Variants in BUB1 observed in about 807,000 individuals in gnomAD.
The protein encoded by BUB1 is BUB1 mitotic checkpoint serine/threonine kinase.
In BUB1, 84 loss-of-function variants were observed where a neutral mutation model predicts 135.2. The ratio of observed to expected loss-of-function variants is 0.62; its 90% CI spans 0.52 to 0.74. The LOEUF (loss-of-function observed/expected upper bound fraction) is 0.74. Among genes scored for constraint, BUB1 ranks in the 30% least tolerant of loss-of-function variants. The probability of loss-of-function intolerance (pLI) is 0.00; values close to 1 mark genes in which losing one functional copy is unlikely to be tolerated. For missense variants in BUB1, 1,162 were observed against 1,288.3 expected (o/e 0.90, Z 1.50); for synonymous variants, 403 against 434.4 (o/e 0.93, Z 0.90).
intron 4 of BUB1, among the ~76,000 whole-genome samples, chr2:110,671,758 G>C (rs892348732): frequency 6.6e-6 from 1 of 152,242 alleles, no homozygotes; most frequent in Non-Finnish European, 1.5e-5. Flanking sequence ...TTGACGCAAA[G>C]CTGTATATGT....
chr2:110,655,296 G>A (rs1689897524), intron 16 of BUB1, among the ~76,000 whole-genome samples: 1 of 152,126 alleles, frequency 6.6e-6, no homozygotes, highest in Non-Finnish European at 1.5e-5. Flanking sequence ...ACATATATGT[G>A]TGTAGACACA....
At chr2:110,656,338 T>G (rs1689932516) in intron 15 of BUB1, among the ~76,000 whole-genome samples, 1 of 152,180 alleles carries the variant, frequency 6.6e-6, no homozygotes, top group Non-Finnish European at 1.5e-5. Context: ...ATGTGCCTCC[T>G]CTGTTCAGGG....
chr2:110,649,526 A>G, intron 18 of BUB1, 149 bp from the exon 19 acceptor site: 1 of 801,384 alleles, frequency 1.2e-6, no homozygotes, highest in South Asian at 3.7e-5. Flanking sequence ...ATAAAAAAGA[A>G]CTATTTTTAA....
intron 19 of BUB1, among the ~76,000 whole-genome samples, chr2:110,645,618 A>C (rs1245238323): frequency 6.6e-6 from 1 of 151,792 alleles, no homozygotes; most frequent in Admixed American, 6.6e-5. Flanking sequence ...TGTGTAAGAC[A>C]AGGTCTTGCT....
rs1473032488 is a variant in BUB1, at chr2:110,667,682, G to C, written c.644C>G (p.Ser215Cys). The C allele has an allele frequency of 6.2e-7, 1 of 1,612,988 alleles. No individual in the cohort carries two copies. Among genetic ancestry groups the C allele is most frequent in the African/African-American group, 1.3e-5 (1 of 74,852 alleles). The change falls in exon 8 of 25, where the codon TCT (serine) becomes TGT (cysteine). Residue 215 changes from serine to cysteine, a missense_variant. Physicochemically the swap from Ser to Cys is moderately radical, Grantham distance 112. Coordinates refer to ENST00000302759, the MANE Select transcript of BUB1 (RefSeq NM_004336.5). ...TGAGTGCACAGAATATTCTGATTTA[G>C]AAATCGTGATCACTCTTCGTTCCCT... ...SNMERRVITI[S>C]KSEYSVHSSL...
chr2:110,644,058 C>CAAAAATAAAAAAAA, intron 19 of BUB1, among the ~76,000 whole-genome samples: 1 of 39,690 alleles, frequency 2.5e-5, no homozygotes, highest in Non-Finnish European at 4.3e-5. Flanking sequence ...AACTGAAATG[C>CAAAAATAAAAAAAA]AAAAAAAAAA....
chr2:110,643,896 G>C (rs1274658932), intron 19 of BUB1, among the ~76,000 whole-genome samples: 1 of 151,722 alleles, frequency 6.6e-6, no homozygotes, highest in African/African-American at 2.4e-5. Flanking sequence ...GGGTAATACA[G>C]GCAGAGAGAA....
rs774255894 is a variant in BUB1 at position 110,657,611 on chromosome 2, A to T, written c.1551T>A (p.Asn517Lys). The T allele has an allele frequency of 6.2e-7, 1 of 1,606,110 alleles. No homozygotes were observed. Among genetic ancestry groups the T allele is most frequent in the South Asian group, 1.1e-5 (1 of 89,726 alleles). Residue 517 changes from asparagine (N) to lysine (K), a missense_variant, in exon 14 of 25, where the codon AAT becomes AAA. By Grantham distance (94) the Asn-to-Lys change is moderately conservative (BLOSUM62 0). Coordinates refer to ENST00000302759, the MANE Select transcript of BUB1 (RefSeq NM_004336.5). The stretch of plus-strand genomic sequence containing the variant: ...CAGATGACAAAGAAGAGATGATCTT[A>T]TTGACTCCCCAAGCCCCAGATGACC... ...NVRSSGAWGV[N>K]KIISSLSSAF...
chr2:110,648,773 C>G lies in BUB1; in HGVS notation c.2347+461G>C, dbSNP rs942881131. On this transcript the variant is annotated intron_variant, in intron 19 of 24. Coordinates refer to ENST00000302759, the MANE Select transcript of BUB1 (RefSeq NM_004336.5). The surrounding 1 kb of genome is among the most constrained non-coding windows in gnomAD (Gnocchi z 4.2). ...GAAGTCTTGCTACCATTGTTTCCCA[C>G]TCCCACCTACAGCTAACTGTTTTAA... 3 of 152,364 alleles carry G rather than the reference C, an allele frequency of 2.0e-5. No individual in the cohort carries two copies. Among genetic ancestry groups the G allele is most frequent in the African/African-American group, 7.2e-5 (3 of 41,582 alleles). 9.4% of individuals were successfully genotyped at this position (152,364 alleles called of 1,614,324 possible). A position where few individuals can be genotyped will look rare whatever the true frequency, so the allele number is the denominator to read the frequency against.
chr2:110,648,948 A>T lies in BUB1; in HGVS notation c.2347+286T>A, dbSNP rs536135217. The T allele has an allele frequency of 9.4e-6, 2 of 213,406 alleles. No homozygotes were observed. Among genetic ancestry groups the T allele is most frequent in the Admixed American group, 1.1e-4 (2 of 18,384 alleles). The allele number at this position is 213,406 out of a possible 1,614,324, so 13.2% of individuals were successfully genotyped here. On this transcript the variant is annotated intron_variant, in intron 19 of 24. Transcript: ENST00000302759. The surrounding 1 kb of genome is among the most constrained non-coding windows in gnomAD (Gnocchi z 4.2). ...AGAAGTATATAATAATATCTATAGG[A>T]AATCCTTAAAAGTGGATAGCTGGCT...
intron 24 of BUB1, among the ~76,000 whole-genome samples, chr2:110,638,484 C>T (rs1201497164): frequency 6.6e-6 from 1 of 152,172 alleles, no homozygotes; most frequent in Non-Finnish European, 1.5e-5. Context: ...TACAATACTG[C>T]TAGAATTGGA....
At chr2:110,657,510 C>T (rs755069604) in intron 14 of BUB1, 36 bp downstream of exon 14, 129 of 1,502,558 alleles carry the variant, frequency 8.6e-5, no homozygotes, top group Non-Finnish European at 1.1e-4. Flanking sequence ...AGAGAAAACT[C>T]GGCAGCATCC....
In BUB1 at chr2:110,674,106, T is replaced by C. The variant is rs780901314; in HGVS notation, c.205A>G (p.Ile69Val). The change falls in exon 3 of 25, where the codon ATC becomes GTC. Residue 69 changes from isoleucine to valine, a missense_variant. By Grantham distance (29) the Ile-to-Val change is conservative (BLOSUM62 3). Transcript: ENST00000302759. ...CTTACAAATTTTAAACAATAACTGA[T>C]GAATCTTGGGTCATTGTGGTATTTC... The part of the protein sequence containing the change: ...KKKYHNDPRF[I>V]SYCLKFAEYN... The C allele has an allele frequency of 6.5e-7, 1 of 1,531,894 alleles. No homozygotes were observed. The highest frequency in any genetic ancestry group is 9.0e-7 in the Non-Finnish European group (1 of 1,109,710). 94.9% of individuals were successfully genotyped at this position (1,531,894 alleles called of 1,614,324 possible). A position where few individuals can be genotyped will look rare whatever the true frequency, so the allele number is the denominator to read the frequency against.
chr2:110,647,777 T>C (rs1452616593), intron 19 of BUB1, among the ~76,000 whole-genome samples: 1 of 152,188 alleles, frequency 6.6e-6, no homozygotes, highest in Non-Finnish European at 1.5e-5. Flanking sequence ...GATATACTGA[T>C]GGCAAATAAG....
intron 6 of BUB1, 129 bp from the exon 7 acceptor site, chr2:110,667,978 T>A: frequency 1.3e-6 from 1 of 751,676 alleles, no homozygotes; most frequent in Non-Finnish European, 2.1e-6. Flanking sequence ...ATTTATGTAA[T>A]TTTAAATTAT....
At position 110,666,625 on chromosome 2, in the gene BUB1, A is replaced by T. The variant is rs531170345; in HGVS notation, c.806-211T>A. 5.0e-4 allele frequency among the ~76,000 whole-genome samples: 66 copies of T among 130,718 alleles called. 1 individual carries two copies. Among genetic ancestry groups the T allele is most frequent in the African/African-American group, 1.9e-3 (65 of 33,370 alleles). 85.8% of individuals were successfully genotyped at this position (130,718 alleles called of 152,430 possible). A position where few individuals can be genotyped will look rare whatever the true frequency, so the allele number is the denominator to read the frequency against. On this transcript the variant is annotated intron_variant, in intron 8 of 24. Transcript: ENST00000302759. ...ACATGTTTAGGACATGTAAATTACT[A>T]AAAAAAAAAAAAAACTACATGCTGA...
chr2:110,658,872 T>C, intron 11 of BUB1, 130 bp from the exon 12 acceptor site: 2 of 1,132,348 alleles, frequency 1.8e-6, no homozygotes, highest in East Asian at 2.6e-5. Flanking sequence ...GAATTTCCAG[T>C]ATTATAGTGC....
intron 11 of BUB1, among the ~76,000 whole-genome samples, 155 bp from the exon 12 acceptor site, chr2:110,658,897 T>A (rs1362859771): frequency 6.6e-6 from 1 of 152,250 alleles, no homozygotes; most frequent in Non-Finnish European, 1.5e-5. Flanking sequence ...ATATATTTCA[T>A]TTTTATCTTT....
chr2:110,659,913 A>G, intron 11 of BUB1, 65 bp downstream of exon 11: 1 of 1,433,168 alleles, frequency 7.0e-7, no homozygotes, highest in Non-Finnish European at 9.7e-7. Flanking sequence ...CACAGCCACA[A>G]AATACACCTC....
Sources: allele counts gnomAD v4.1 joint callset (sites outside exome capture counted in the v4.1 genomes callset), GRCh38; gene constraint gnomAD v4.1.1; non-coding constraint Gnocchi (gnomAD v3.1); transcripts MANE v1.5; gene names NCBI Gene and HGNC (gene_info 2026-07-23, HGNC 2026-07-21).